Variants in GSE1 observed in about 807,000 individuals in gnomAD.
GSE1 encodes the protein genetic suppressor element 1.
GSE1 carries 32 observed loss-of-function variants against 112.6 expected under a neutral mutation model. The observed-to-expected ratio is 0.28, with a 90% confidence interval of 0.21 to 0.38. The LOEUF (loss-of-function observed/expected upper bound fraction) is 0.38, where lower values mean the gene tolerates loss of function less well. GSE1 is among the 10% of genes least tolerant of loss of function. The pLI, the probability that GSE1 is intolerant of heterozygous loss-of-function variation, is 1.00. For missense variants in GSE1, 2,348 were observed against 1,699.2 expected (o/e 1.38, Z -6.71); for synonymous variants, 1,115 against 735.6 (o/e 1.52, Z -8.35).
rs770968103 is a variant in GSE1, at chr16:85,663,404, G to A, written c.2434G>A (p.Ala812Thr). Residue 812 changes from alanine to threonine, a missense_variant, in exon 11 of 16, where the codon GCC (alanine) becomes ACC (threonine). By Grantham distance (58) the Ala-to-Thr change is moderately conservative (BLOSUM62 0). Transcript: ENST00000253458. ...CCAACAGCAGAAGGAGGAATTGGTG[G>A]CCCAGAAGCGGAGGAAGCGGCGGAG... ...TTQQQKEELV[A>T]QKRRKRRRML... 2 of 1,613,788 alleles carry A rather than the reference G, an allele frequency of 1.2e-6. No homozygotes were observed. The highest frequency in any genetic ancestry group is 1.6e-4 in the Middle Eastern group (1 of 6,084).
At chr16:85,222,374 G>A (rs1414938946) in intron 1 of GSE1, among the ~76,000 whole-genome samples, 1 of 152,214 alleles carries the variant, frequency 6.6e-6, no homozygotes, top group East Asian at 1.9e-4. Context: ...ACCACAGGGC[G>A]GGCTGGAGGC....
chr16:85,280,383 T>C (rs16975477), intron 1 of GSE1, among the ~76,000 whole-genome samples: 8,729 of 152,124 alleles, frequency 0.057, 792 homozygotes, highest in African/African-American at 0.2. Context: ...CACTGGGTCA[T>C]ATGGTCTATT....
chr16:85,563,232 G>T (rs1197639951), intron 1 of GSE1, among the ~76,000 whole-genome samples: 1 of 144,400 alleles, frequency 6.9e-6, no homozygotes, highest in Non-Finnish European at 1.5e-5. Context: ...TAGATTTAAA[G>T]TCCTTTTGTT....
chr16:85,465,067 A>G (rs2050086448), intron 2 of GSE1, among the ~76,000 whole-genome samples: 1 of 152,174 alleles, frequency 6.6e-6, no homozygotes, highest in African/African-American at 2.4e-5. Context: ...GGGCAGTCCC[A>G]CTCAGGGTCA....
At chr16:85,196,629 C>T (rs532425819) in intron 1 of GSE1, among the ~76,000 whole-genome samples, 30 of 152,166 alleles carry the variant, frequency 2.0e-4, no homozygotes, top group African/African-American at 6.5e-4. Flanking sequence ...GGAACACAGA[C>T]GTGCTCTTTC....
At chr16:85,182,480 C>T (rs2074608952) in intron 1 of GSE1, among the ~76,000 whole-genome samples, 1 of 152,226 alleles carries the variant, frequency 6.6e-6, no homozygotes, top group Non-Finnish European at 1.5e-5. Flanking sequence ...TCTCCCATGC[C>T]TCAACCTCTT....
intron 1 of GSE1, among the ~76,000 whole-genome samples, chr16:85,604,219 C>T (rs748151401): frequency 6.6e-6 from 1 of 152,218 alleles, no homozygotes; most frequent in Non-Finnish European, 1.5e-5. Flanking sequence ...TGCTTTTTGT[C>T]TCTGGATTTG....
chr16:85,478,780 G>A (rs2050543089), intron 2 of GSE1, among the ~76,000 whole-genome samples: 1 of 150,612 alleles, frequency 6.6e-6, no homozygotes, highest in Non-Finnish European at 1.5e-5. Context: ...TTATTATCCT[G>A]CCTCAGCCTC....
chr16:85,594,376 T>C (rs1385557531), intron 1 of GSE1: 1 of 151,892 alleles, frequency 6.6e-6, no homozygotes, highest in Non-Finnish European at 1.5e-5. Flanking sequence ...GAGCCCTGAG[T>C]CTCCAGGGGA....
At chr16:85,242,044 C>T (rs1905211194) in intron 1 of GSE1, among the ~76,000 whole-genome samples, 1 of 152,144 alleles carries the variant, frequency 6.6e-6, no homozygotes, top group Non-Finnish European at 1.5e-5. Flanking sequence ...TGCCTCTGCC[C>T]TGAGCCCTCC....
At chr16:85,655,274 C>G (rs945993284) in intron 5 of GSE1, among the ~76,000 whole-genome samples, 2 of 152,340 alleles carry the variant, frequency 1.3e-5, no homozygotes, top group East Asian at 1.9e-4. Context: ...GTTAAGAGAG[C>G]AGGGCTTTGC....
intron 1 of GSE1, among the ~76,000 whole-genome samples, chr16:85,236,704 G>C (rs763962790): frequency 8.5e-5 from 13 of 152,306 alleles, no homozygotes; most frequent in Non-Finnish European, 1.3e-4. Flanking sequence ...CTGAGCAGGA[G>C]AGTGGCCTGT....
exon 1 of GSE1, chr16:85,169,844 C>T: frequency 2.0e-6 from 2 of 984,534 alleles, no homozygotes; most frequent in Non-Finnish European, 2.4e-6. Flanking sequence ...GCCCGCACGC[C>T]GGTGGACAAG....
At chr16:85,601,060 G>T (rs1407927786) in intron 1 of GSE1, among the ~76,000 whole-genome samples, 2 of 152,130 alleles carry the variant, frequency 1.3e-5, no homozygotes, top group South Asian at 2.1e-4. Context: ...AGAATTTTAA[G>T]CCAGGGCTTG....
intron 2 of GSE1, among the ~76,000 whole-genome samples, chr16:85,534,618 G>A (rs2044261416): frequency 1.3e-5 from 2 of 152,082 alleles, no homozygotes; most frequent in Non-Finnish European, 2.9e-5. Flanking sequence ...TTTATTCGTC[G>A]TTTGTCTGCA....
chr16:85,527,255 G>T (rs554232760), intron 2 of GSE1, among the ~76,000 whole-genome samples: 4 of 152,350 alleles, frequency 2.6e-5, no homozygotes, highest in Non-Finnish European at 5.9e-5. Flanking sequence ...CTCCGGCCTC[G>T]CCCACCTGTG....
At chr16:85,496,158 T>C (rs1332191156) in intron 2 of GSE1, among the ~76,000 whole-genome samples, 1 of 152,128 alleles carries the variant, frequency 6.6e-6, no homozygotes, top group East Asian at 1.9e-4. Context: ...GCGGTGACAG[T>C]GACTTGACCT....
At chr16:85,184,475 C>G (rs1191060826) in intron 1 of GSE1, among the ~76,000 whole-genome samples, 1 of 152,240 alleles carries the variant, frequency 6.6e-6, no homozygotes, top group Admixed American at 6.5e-5. Context: ...GGGGGCCAGG[C>G]ACTGGCATAT....
intron 1 of GSE1, among the ~76,000 whole-genome samples, chr16:85,204,310 C>G (rs2075078982): frequency 6.6e-6 from 1 of 152,254 alleles, no homozygotes; most frequent in South Asian, 2.1e-4. Flanking sequence ...CCGGATAATA[C>G]TCCACTGTAT....
Sources: gnomAD v4.1 joint callset for allele counts (sites outside exome capture counted in the v4.1 genomes callset) on GRCh38, gnomAD v4.1.1 for gene constraint, MANE v1.5 for transcripts, NCBI Gene and HGNC (gene_info 2026-07-23, HGNC 2026-07-21) for gene names.